The following SETBP1 variants were observed in gnomAD, a reference collection of about 807,000 sequenced individuals.
SETBP1 encodes the protein SET-binding protein.
Under a neutral mutation model 101.0 loss-of-function variants are expected in SETBP1, and 9 were observed. That is an observed-to-expected ratio of 0.09 (90% confidence interval 0.05 to 0.16). The LOEUF is 0.16. SETBP1 is among the 10% of genes least tolerant of loss of function. The pLI, the probability that SETBP1 is intolerant of heterozygous loss-of-function variation, is 1.00. For missense variants in SETBP1, 1,858 were observed against 2,033.8 expected (o/e 0.91, Z 1.66); for synonymous variants, 818 against 788.5 (o/e 1.04, Z -0.63).
intron 3 of SETBP1, among the ~76,000 whole-genome samples, chr18:44,936,026 G>A (rs2070948899): frequency 6.6e-6 from 1 of 152,184 alleles, no homozygotes; most frequent in African/African-American, 2.4e-5. Flanking sequence ...GTGAAGAATA[G>A]CTAAAACATT....
intron 3 of SETBP1, among the ~76,000 whole-genome samples, chr18:44,940,328 C>T (rs142442372): frequency 6.6e-6 from 1 of 152,116 alleles, no homozygotes; most frequent in East Asian, 1.9e-4. Flanking sequence ...TGATAAGATG[C>T]CTTTTATTTT....
At chr18:45,026,544 T>A (rs1365499006) in intron 4 of SETBP1, among the ~76,000 whole-genome samples, 1 of 152,212 alleles carries the variant, frequency 6.6e-6, no homozygotes, top group Non-Finnish European at 1.5e-5. Flanking sequence ...TTTATGTCTA[T>A]TACTATAGCA....
At chr18:44,773,138 C>T (rs1305744944) in intron 2 of SETBP1, among the ~76,000 whole-genome samples, 1 of 152,046 alleles carries the variant, frequency 6.6e-6, no homozygotes. Flanking sequence ...CATAATTATC[C>T]ATCTAAAATC....
chr18:44,902,813 T>G (rs1047529110), intron 3 of SETBP1, among the ~76,000 whole-genome samples: 1 of 152,106 alleles, frequency 6.6e-6, no homozygotes, highest in Non-Finnish European at 1.5e-5. Flanking sequence ...GCCTCATTAA[T>G]TCAGCAATAA....
intron 4 of SETBP1, among the ~76,000 whole-genome samples, chr18:45,000,576 A>C (rs1395536026): frequency 6.6e-6 from 1 of 152,128 alleles, no homozygotes; most frequent in Non-Finnish European, 1.5e-5. Context: ...AATTGTGCTA[A>C]ATATACTCTT....
At position 44,701,610 on chromosome 18, in the gene SETBP1, G is replaced by A. The variant is rs774059179; in HGVS notation, c.264G>A (p.Glu88=). 2 of 1,614,072 alleles carry A rather than the reference G, an allele frequency of 1.2e-6. No individual in the cohort carries two copies. The highest frequency in any genetic ancestry group is 1.1e-5 in the South Asian group (1 of 91,084). The change falls in exon 2 of 6, where the codon GAG becomes GAA. Residue 88 remains glutamate, a synonymous_variant. Coordinates refer to ENST00000649279, the MANE Select transcript of SETBP1 (RefSeq NM_015559.3). ...EKWVAGDGLE[E]QEFSIKEANF... ...GGGTGGCAGGAGATGGTTTGGAAGA[G>A]CAGGAATTTTCTATCAAGGAGGCAA...
intron 5 of SETBP1, among the ~76,000 whole-genome samples, chr18:45,054,500 G>A (rs565187236): frequency 4.9e-4 from 74 of 152,102 alleles, no homozygotes; most frequent in African/African-American, 1.8e-3. Flanking sequence ...ATTTATAAGT[G>A]GCTGACAAAT....
At chr18:44,858,091 G>A (rs542364302) in intron 2 of SETBP1, among the ~76,000 whole-genome samples, 1 of 152,172 alleles carries the variant, frequency 6.6e-6, no homozygotes, top group Non-Finnish European at 1.5e-5. Flanking sequence ...CAAAGGACGA[G>A]GAAGTATACA....
intron 3 of SETBP1, among the ~76,000 whole-genome samples, chr18:44,928,175 C>T (rs1189206300): frequency 1.3e-5 from 2 of 152,238 alleles, no homozygotes; most frequent in Admixed American, 1.3e-4. Context: ...GGAGAACATG[C>T]GGTGTTTGGT....
chr18:45,007,885 C>T (rs1253889967), intron 4 of SETBP1, among the ~76,000 whole-genome samples: 1 of 152,162 alleles, frequency 6.6e-6, no homozygotes, highest in Non-Finnish European at 1.5e-5. Context: ...TCTATCCATC[C>T]AGAGCCCAGA....
intron 2 of SETBP1, among the ~76,000 whole-genome samples, chr18:44,805,775 G>C (rs1476830213): frequency 6.6e-6 from 1 of 152,100 alleles, no homozygotes; most frequent in African/African-American, 2.4e-5. Flanking sequence ...TGTAGGGCTA[G>C]AGCACCTTTG....
chr18:44,693,369 A>T (rs1568092883), intron 1 of SETBP1, among the ~76,000 whole-genome samples: 1 of 152,210 alleles, frequency 6.6e-6, no homozygotes, highest in Non-Finnish European at 1.5e-5. Flanking sequence ...GCAGAGTTTG[A>T]AACCAAGAAT....
chr18:44,715,374 C>T lies in SETBP1; in HGVS notation c.486+13542C>T, dbSNP rs144918251. ...GCACAGGGCTGTGGGATAATAGGCT[C>T]GCTGTGACTTAATCCAGAAGTTATT... On this transcript the variant is annotated intron_variant, in intron 2 of 5. Transcript: ENST00000649279. Among the ~76,000 whole-genome samples, 300 of 152,154 alleles carry T rather than the reference C, an allele frequency of 2.0e-3. 1 individual carries two copies. Among genetic ancestry groups the T allele is most frequent in the African/African-American group, 6.8e-3 (283 of 41,392 alleles).
At position 44,950,280 on chromosome 18, in the gene SETBP1, TTGG is replaced by T. The variant is rs1182259141; in HGVS notation, c.944_946del (p.Val315del). ...TGCTGAGTGCAACGGGCTTCAGCCC[TTGG>T]TGGATCAAGATGGAGGAGGTACAAA... On this transcript the variant is annotated inframe_deletion, in exon 4 of 6. Transcript: ENST00000649279. 1 of 1,613,934 alleles carries T rather than the reference TTGG, an allele frequency of 6.2e-7. No homozygotes were observed. Among genetic ancestry groups the T allele is most frequent in the Non-Finnish European group, 8.5e-7 (1 of 1,180,046 alleles).
chr18:44,715,493 T>A (rs906741007), intron 2 of SETBP1, among the ~76,000 whole-genome samples: 4 of 152,080 alleles, frequency 2.6e-5, no homozygotes, highest in Non-Finnish European at 4.4e-5. Context: ...CTGACTAGCC[T>A]GAGGCCTGAG....
intron 1 of SETBP1, among the ~76,000 whole-genome samples, chr18:44,699,348 A>G (rs1353232658): frequency 6.6e-6 from 1 of 152,200 alleles, no homozygotes; most frequent in African/African-American, 2.4e-5. Flanking sequence ...GAAATTTCCT[A>G]AGGTACATTG....
chr18:44,862,298 C>A (rs1438005548), intron 2 of SETBP1, among the ~76,000 whole-genome samples: 1 of 152,098 alleles, frequency 6.6e-6, no homozygotes, highest in African/African-American at 2.4e-5. Context: ...GAGTTATGTA[C>A]AAAGTTATTA....
intron 2 of SETBP1, among the ~76,000 whole-genome samples, chr18:44,749,270 AGAG>A (rs1184572643): frequency 1.3e-5 from 2 of 152,224 alleles, no homozygotes; most frequent in African/African-American, 4.8e-5. Context: ...ATTTTATAAA[AGAG>A]AAGGTGAGGC....
intron 2 of SETBP1, among the ~76,000 whole-genome samples, chr18:44,834,221 A>C (rs1249787122): frequency 6.6e-6 from 1 of 152,190 alleles, no homozygotes; most frequent in African/African-American, 2.4e-5. Flanking sequence ...CCTTGCACAC[A>C]GAAGCTCCCA....
Sources: gnomAD v4.1 joint callset for allele counts (sites outside exome capture counted in the v4.1 genomes callset) on GRCh38, gnomAD v4.1.1 for gene constraint, MANE v1.5 for transcripts, NCBI Gene and HGNC (gene_info 2026-07-23, HGNC 2026-07-21) for gene names.